The following PDCD1 variants were observed in gnomAD, a reference collection of about 807,000 sequenced individuals.
PDCD1 encodes the protein programmed cell death 1, also known as programmed cell death protein 1.
Under a neutral mutation model 23.6 loss-of-function variants are expected in PDCD1, and 10 were observed. The observed-to-expected ratio is 0.42, with a 90% confidence interval of 0.26 to 0.72. PDCD1 has a LOEUF of 0.72. Among genes scored for constraint, PDCD1 ranks in the 30% least tolerant of loss-of-function variants. The pLI is 0.24. For missense variants in PDCD1, 313 were observed against 397.8 expected, an observed-to-expected ratio of 0.79 and a Z score of 1.81; for synonymous variants, 168 against 169.3, an observed-to-expected ratio of 0.99 and a Z score of 0.06.
chr2:241,853,286 T>C (rs890227468), intron 1 of PDCD1, among the ~76,000 whole-genome samples: 5 of 152,252 alleles, frequency 3.3e-5, no homozygotes, highest in Non-Finnish European at 7.3e-5. Context: ...AAAGGGCTGT[T>C]TGGGGGCTAC....
At position 241,858,842 on chromosome 2, in the gene PDCD1, T is replaced by C. The variant is rs374406459; in HGVS notation, c.-4A>G. On this transcript the variant is annotated 5_prime_UTR_variant, in exon 1 of 5. Coordinates refer to ENST00000334409, the MANE Select transcript of PDCD1 (RefSeq NM_005018.3). ...AGGGCGCCTGTGGGATCTGCATGCC[T>C]GGAGCAGCCCCACCAGAGTGCCGCC... 25 of 1,568,298 alleles carry C rather than the reference T, an allele frequency of 1.6e-5. No homozygotes were observed. Among genetic ancestry groups the C allele is most frequent in the Admixed American group, 9.4e-5 (5 of 53,010 alleles).
intron 1 of PDCD1, among the ~76,000 whole-genome samples, chr2:241,857,307 C>A (rs1701047107): frequency 1.3e-5 from 2 of 152,336 alleles, no homozygotes; most frequent in East Asian, 3.9e-4. Flanking sequence ...AGTGGGGAAA[C>A]CGAGGCATGC....
intron 1 of PDCD1, 128 bp from the exon 2 acceptor site, chr2:241,853,108 C>T: frequency 8.6e-7 from 1 of 1,167,598 alleles, no homozygotes; most frequent in Non-Finnish European, 1.2e-6. Flanking sequence ...ATTGAGAAGT[C>T]TCTGCTGGGG....
chr2:241,858,722 G>GA (rs1178077292), intron 1 of PDCD1, 41 bp downstream of exon 1: 16 of 1,522,794 alleles, frequency 1.1e-5, no homozygotes, highest in Non-Finnish European at 1.4e-5. Flanking sequence ...GGTCCCTCCA[G>GA]ACCCCTGGCT....
At chr2:241,855,854 C>CGT (rs199906747) in intron 1 of PDCD1, among the ~76,000 whole-genome samples, 1 of 151,984 alleles carries the variant, frequency 6.6e-6, no homozygotes, top group South Asian at 2.1e-4. Flanking sequence ...TCCTCACAGT[C>CGT]GTGTGTGTGT....
At chr2:241,855,130 C>A (rs578171561) in intron 1 of PDCD1, among the ~76,000 whole-genome samples, 5 of 152,176 alleles carry the variant, frequency 3.3e-5, no homozygotes, top group Non-Finnish European at 7.3e-5. Flanking sequence ...CCCCCCAACC[C>A]CCCTATTTTG....
At position 241,852,206 on chromosome 2, in the gene PDCD1, G is replaced by A. The variant is rs1304651269; in HGVS notation, c.584C>T (p.Ala195Val). 1.2e-6 allele frequency: 2 copies of A among 1,609,262 alleles called. No individual in the cohort carries two copies. The highest frequency in any genetic ancestry group is 1.7e-5 in the Admixed American group (1 of 59,544). ...GGCTGGGATGACGTTACCTCGTGCG[G>A]CCCGGGAGCAGATGACGGCCAGGAC... Reference protein sequence around the residue: ...VWVLAVICSRAARGTIGARRT... With the variant: ...VWVLAVICSRVARGTIGARRT... The change falls in exon 3 of 5, where the codon GCC (alanine) becomes GTC (valine). Residue 195 changes from alanine to valine, a missense_variant. Physicochemically the swap from Ala to Val is moderately conservative, Grantham distance 64. Transcript: ENST00000334409.
At chr2:241,856,201 C>T (rs975767570) in intron 1 of PDCD1, among the ~76,000 whole-genome samples, 5 of 152,168 alleles carry the variant, frequency 3.3e-5, no homozygotes, top group African/African-American at 1.2e-4. Flanking sequence ...GCATGTCCAG[C>T]CCCCCACGGC....
chr2:241,853,033 C>G, intron 1 of PDCD1, 53 bp from the exon 2 acceptor site: 1 of 1,516,106 alleles, frequency 6.6e-7, no homozygotes, highest in Non-Finnish European at 8.8e-7. Context: ...CAAAGCCTCC[C>G]CGGCCACCTG....
intron 2 of PDCD1, 130 bp from the exon 3 acceptor site, chr2:241,852,483 A>T: frequency 8.4e-7 from 1 of 1,193,694 alleles, no homozygotes; most frequent in Non-Finnish European, 1.2e-6. Context: ...ACCATTCCCC[A>T]GGTGCAGGAC....
In PDCD1 at chr2:241,853,397, A is replaced by G. The variant is rs56266783; in HGVS notation, c.77-417T>C. 2.9e-3 allele frequency among the ~76,000 whole-genome samples: 438 copies of G among 152,360 alleles called. 1 individual carries two copies. The highest frequency in any genetic ancestry group is 0.01 in the African/African-American group (418 of 41,578). Reference sequence around the variant, plus strand: ...GGTCTGGGTGGGTGGGGGGCTGCCCATGGAGACCCCAGCCCTGGGAGGAGT... The same window carrying G: ...GGTCTGGGTGGGTGGGGGGCTGCCCGTGGAGACCCCAGCCCTGGGAGGAGT... On this transcript the variant is annotated intron_variant, in intron 1 of 4. Transcript: ENST00000334409.
In PDCD1 at chr2:241,852,210, G is replaced by A. The variant is rs979390849; in HGVS notation, c.580C>T (p.Arg194Trp). ...GGGATGACGTTACCTCGTGCGGCCC[G>A]GGAGCAGATGACGGCCAGGACCCAG... ...LVWVLAVICSRAARGTIGARR... is the reference protein window; with the variant it reads ...LVWVLAVICSWAARGTIGARR... The change falls in exon 3 of 5, where the codon CGG (arginine) becomes TGG (tryptophan). Residue 194 changes from arginine to tryptophan, a missense_variant. Physicochemically the swap from Arg to Trp is moderately radical, Grantham distance 101. Transcript: ENST00000334409. 1.1e-5 allele frequency: 17 copies of A among 1,609,660 alleles called. No individual in the cohort carries two copies. The highest frequency in any genetic ancestry group is 4.5e-5 in the East Asian group (2 of 44,742).
At position 241,852,588 on chromosome 2, in the gene PDCD1, C is replaced by G. The variant is rs768800008; in HGVS notation, c.436+33G>C. The G allele has an allele frequency of 2.8e-5, 44 of 1,598,616 alleles. No individual in the cohort carries two copies. The Admixed American group carries it at 7.2e-4, about 26-fold the overall frequency. ...GACACCCACCCCAGGACCGGCTCAG[C>G]TCACCCCTGCCCCGGGGCCTCCGAG... On this transcript the variant is annotated intron_variant, in intron 2 of 4. Transcript: ENST00000334409.
intron 1 of PDCD1, among the ~76,000 whole-genome samples, chr2:241,857,100 C>T (rs932734046): frequency 6.6e-6 from 1 of 152,190 alleles, no homozygotes; most frequent in Non-Finnish European, 1.5e-5. Flanking sequence ...TCTCATAAAA[C>T]ACAAGGGAAG....
chr2:241,854,234 C>T (rs560772566), intron 1 of PDCD1, among the ~76,000 whole-genome samples: 3 of 152,324 alleles, frequency 2.0e-5, no homozygotes, highest in African/African-American at 7.2e-5. Flanking sequence ...CCTCTGTGCC[C>T]ATGGCCTCCC....
intron 4 of PDCD1, 77 bp downstream of exon 4, chr2:241,851,872 T>C: frequency 7.3e-7 from 1 of 1,371,530 alleles, no homozygotes; most frequent in Non-Finnish European, 1.0e-6. Flanking sequence ...GGCCGTGTGG[T>C]CCCAGCCTGT....
intron 4 of PDCD1, 51 bp from the exon 5 acceptor site, chr2:241,851,348 G>A (rs747954966): frequency 1.8e-5 from 28 of 1,547,790 alleles, no homozygotes; most frequent in Non-Finnish European, 2.3e-5. Context: ...CCGCAGGAAG[G>A]AGGCCCGCGG....
In PDCD1 at chr2:241,852,713, C is replaced by T. The variant is rs777693230; in HGVS notation, c.344G>A (p.Arg115His). The T allele has an allele frequency of 9.3e-6, 15 of 1,613,744 alleles. No individual in the cohort carries two copies. Among genetic ancestry groups the T allele is most frequent in the South Asian group, 6.6e-5 (6 of 91,086 alleles). ...ACAGAGGTAGGTGCCGCTGTCATTGCGCCGGGCCCTGACCACGCTCATGTG... is the reference window on the plus strand; with the variant it reads ...ACAGAGGTAGGTGCCGCTGTCATTGTGCCGGGCCCTGACCACGCTCATGTG... ...DFHMSVVRAR[R>H]NDSGTYLCGA... The change falls in exon 2 of 5, where the codon CGC becomes CAC. Residue 115 changes from arginine to histidine, a missense_variant. Around this residue, in one of 3 missense-constraint regions of PDCD1, gnomAD observed 135 missense variants for 166.9 expected, o/e 0.81. Transcript: ENST00000334409.
chr2:241,854,044 G>T (rs542416250), intron 1 of PDCD1, among the ~76,000 whole-genome samples: 1 of 152,368 alleles, frequency 6.6e-6, no homozygotes, highest in African/African-American at 2.4e-5. Context: ...GGAGGAGGGG[G>T]CTGCTGCCCT....
Sources: gnomAD v4.1 joint callset for allele counts (sites outside exome capture counted in the v4.1 genomes callset) on GRCh38, gnomAD v4.1.1 for gene constraint, gnomAD v4.1.1 regional missense constraint, MANE v1.5 for transcripts, NCBI Gene and HGNC (gene_info 2026-07-23, HGNC 2026-07-21) for gene names.